CFAP92: variants seen among roughly 807,000 people sequenced by gnomAD.
The protein encoded by CFAP92 is cilia and flagella associated protein 92 (putative), also known as uncharacterized protein CFAP92.
CFAP92 carries 86 observed loss-of-function variants against 106.3 expected under a neutral mutation model. That is an observed-to-expected ratio of 0.81 (90% CI 0.68 to 0.97). CFAP92 has a LOEUF of 0.97. Among genes scored for constraint, CFAP92 ranks in the 50% least tolerant of loss-of-function variants. CFAP92 has a pLI of 0.00. For synonymous variants in CFAP92, 477 were observed against 506.4 expected, an observed-to-expected ratio of 0.94 and a Z score of 0.78; for missense variants, 1,204 against 1,283.8, an observed-to-expected ratio of 0.94 and a Z score of 0.95.
intron 10 of CFAP92, among the ~76,000 whole-genome samples, chr3:128,943,150 C>G (rs1051298390): frequency 7.2e-5 from 11 of 152,052 alleles, no homozygotes; most frequent in Admixed American, 6.6e-4. Flanking sequence ...GATCTCCTGA[C>G]CTCGTGATCT....
At chr3:129,001,820 C>T (rs1944775204) in intron 1 of CFAP92, 1 of 1,545,634 alleles carries the variant, frequency 6.5e-7, no homozygotes, top group Non-Finnish European at 8.7e-7. Context: ...AGGTCTTCCA[C>T]CACCTGGACT....
At position 128,943,214 on chromosome 3, in the gene CFAP92, G is replaced by A. The variant is rs533823321; in HGVS notation, c.2258+1857C>T. ...ATTCCAGGCGTGAGCCACTGTGCCC[G>A]GCAAAACTCAACCTTTTAAAGCGCA... On this transcript the variant is annotated intron_variant, in intron 10 of 15. Transcript: ENST00000645291. 5.9e-5 allele frequency among the ~76,000 whole-genome samples: 9 copies of A among 152,180 alleles called. No individual in the cohort carries two copies. In the East Asian group the frequency reaches 1.4e-3, roughly 23 times the overall value.
chr3:128,998,795 A>G (rs1054431868), upstream of CFAP92, among the ~76,000 whole-genome samples: 2 of 152,184 alleles, frequency 1.3e-5, no homozygotes, highest in Non-Finnish European at 2.9e-5. Context: ...GTGCAAAGAA[A>G]GATCCCAATG....
chr3:128,938,491 CTTTT>C (rs11361650), intron 10 of CFAP92, among the ~76,000 whole-genome samples: 236 of 135,828 alleles, frequency 1.7e-3, no homozygotes, highest in Non-Finnish European at 3.1e-3. Flanking sequence ...CTTCACCATT[CTTTT>C]TTTTTTTTTT....
chr3:128,991,858 A>G (rs1486684585), intron 2 of CFAP92: 7 of 987,622 alleles, frequency 7.1e-6, no homozygotes, highest in Non-Finnish European at 8.4e-6. Context: ...GATGAAAACA[A>G]AACAAAGCAA....
intron 7 of CFAP92, among the ~76,000 whole-genome samples, chr3:128,972,268 G>GT (rs1282001055): frequency 6.6e-6 from 1 of 151,264 alleles, no homozygotes; most frequent in Non-Finnish European, 1.5e-5. Context: ...TTGAGACGGA[G>GT]TTTCACTCTG....
At position 128,910,080 on chromosome 3, in the gene CFAP92, T is replaced by C. The variant is rs371018978; in HGVS notation, c.*219A>G. The C allele has an allele frequency of 1.9e-6, 3 of 1,614,068 alleles. No individual in the cohort carries two copies. The South Asian group carries it at 3.3e-5, about 18-fold the overall frequency. ...TGGCCAACATCCTCATCAACCTGTA[T>C]GGCATGACGGCCGTGCTGTCGCGGG... On this transcript the variant is annotated 3_prime_UTR_variant, in exon 16 of 16. Coordinates refer to ENST00000645291, the MANE Select transcript of CFAP92 (RefSeq NM_001394090.1).
At chr3:128,980,038 G>A (rs1220372375) in intron 4 of CFAP92, among the ~76,000 whole-genome samples, 5 of 149,900 alleles carry the variant, frequency 3.3e-5, no homozygotes, top group Non-Finnish European at 7.4e-5. Context: ...CGAGGGAAGA[G>A]AGAAAGGAAG....
intron 7 of CFAP92, among the ~76,000 whole-genome samples, chr3:128,971,867 G>A (rs1213644166): frequency 1.3e-5 from 2 of 152,188 alleles, no homozygotes; most frequent in African/African-American, 2.4e-5. Context: ...GAGGGCAACA[G>A]CACCTGCCTT....
upstream of CFAP92, chr3:129,003,257 C>A: frequency 2.0e-6 from 2 of 985,380 alleles, no homozygotes; most frequent in Non-Finnish European, 2.4e-6. Flanking sequence ...ATGGGATGCG[C>A]CTGAACGGTC....
At chr3:128,966,987 G>C (rs1423175548) in intron 8 of CFAP92, 4 of 152,166 alleles carry the variant, frequency 2.6e-5, no homozygotes, top group Non-Finnish European at 5.9e-5. Context: ...AGGCAGGATT[G>C]ACCTGGGTTT....
At chr3:129,008,125 T>G in the CFAP92 span, among the ~76,000 whole-genome samples, 1 of 152,392 alleles carries the variant, frequency 6.6e-6, no homozygotes, top group East Asian at 1.9e-4. Context: ...AGACCAGTTT[T>G]TAATTTTGAT....
Position 128,916,097 on chromosome 3 carries a change from G to A in CFAP92, c.2916+10C>T, listed in dbSNP as rs1188263292. 8.1e-7 allele frequency: 1 copy of A among 1,232,092 alleles called. No homozygotes were observed. The highest frequency in any genetic ancestry group is 3.2e-5 in the East Asian group (1 of 31,708). 76.3% of individuals were successfully genotyped at this position (1,232,092 alleles called of 1,614,324 possible). On this transcript the variant is annotated intron_variant, in intron 13 of 15. Transcript: ENST00000645291. ...TTGCCAACTGCCATCATCCTGTCTG[G>A]GTCTCTCACCTTGGCTATCTCTTGA...
At chr3:128,926,247 G>A (rs896898406) in intron 12 of CFAP92, among the ~76,000 whole-genome samples, 6 of 53,904 alleles carry the variant, frequency 1.1e-4, no homozygotes, top group African/African-American at 8.1e-4. Flanking sequence ...GGTGGCTCAC[G>A]CCTGTAGCCT....
At chr3:128,910,759 T>A (rs768175073) in intron 15 of CFAP92, 1 of 1,614,238 alleles carries the variant, frequency 6.2e-7, no homozygotes, top group South Asian at 1.1e-5. Flanking sequence ...GGCCAACACC[T>A]TCTGCGTGGA....
chr3:128,982,109 C>A (rs1418728953), intron 4 of CFAP92, among the ~76,000 whole-genome samples: 2 of 152,244 alleles, frequency 1.3e-5, no homozygotes, highest in African/African-American at 2.4e-5. Flanking sequence ...GCATTGACTT[C>A]TCTCTAGCTA....
In CFAP92 at chr3:128,945,895, G is replaced by T; in HGVS notation, c.1434C>A (p.Thr478=). ...VHKTKGEPHG[T]HVYFQDINVI... Reference sequence around the variant, plus strand: ...CGTTGATGTCCTGGAAATAAACGTGGGTTCCATGGGGCTCCCCCTTGGTCT... The same window carrying T: ...CGTTGATGTCCTGGAAATAAACGTGTGTTCCATGGGGCTCCCCCTTGGTCT... The change falls in exon 10 of 16, where the codon ACC becomes ACA. Residue 478 remains threonine, a synonymous_variant. Transcript: ENST00000645291. 6.8e-7 allele frequency: 1 copy of T among 1,465,292 alleles called. No homozygotes were observed. Among genetic ancestry groups the T allele is most frequent in the South Asian group, 1.4e-5 (1 of 70,232 alleles). The allele number at this position is 1,465,292 out of a possible 1,614,324, so 90.8% of individuals were successfully genotyped here. A position where few individuals can be genotyped will look rare whatever the true frequency, so the allele number is the denominator to read the frequency against.
the CFAP92 span, among the ~76,000 whole-genome samples, chr3:129,013,208 T>C: frequency 6.6e-6 from 1 of 152,094 alleles, no homozygotes; most frequent in Non-Finnish European, 1.5e-5. Context: ...GTTTTGACGG[T>C]ACAGCCTTGG....
At chr3:128,915,887 T>G in intron 13 of CFAP92, 1 of 438,118 alleles carries the variant, frequency 2.3e-6, no homozygotes. Context: ...TATGTACATC[T>G]GAGCTTACAT....
Sources: allele counts gnomAD v4.1 joint callset (sites outside exome capture counted in the v4.1 genomes callset), GRCh38; gene constraint gnomAD v4.1.1; transcripts MANE v1.5; gene names NCBI Gene and HGNC (gene_info 2026-07-23, HGNC 2026-07-21).